Variants in USP30 observed in about 807,000 individuals in gnomAD.
USP30 encodes ubiquitin carboxyl-terminal hydrolase 30.
In USP30, 41 loss-of-function variants were observed where a neutral mutation model predicts 68.2. The observed-to-expected ratio is 0.60, with a 90% CI of 0.47 to 0.78. The LOEUF is 0.78. Among genes scored for constraint, USP30 ranks in the 30% least tolerant of loss-of-function variants. USP30 has a pLI of 0.00. For synonymous variants in USP30, 229 were observed against 253.7 expected, an observed-to-expected ratio of 0.90 and a Z score of 0.93; for missense variants, 522 against 649.4, an observed-to-expected ratio of 0.80 and a Z score of 2.13.
At chr12:109,039,125 C>T (rs1426120952) in intron 3 of USP30, among the ~76,000 whole-genome samples, 1 of 151,912 alleles carries the variant, frequency 6.6e-6, no homozygotes. Flanking sequence ...TCAGTTTTTT[C>T]TTTTCTAGTT....
At chr12:109,025,603 A>T (rs1294935251) in intron 2 of USP30, among the ~76,000 whole-genome samples, 18 of 152,194 alleles carry the variant, frequency 1.2e-4, no homozygotes, top group Admixed American at 1.2e-3. Context: ...CCATATGAGT[A>T]TCTCATATAG....
At chr12:109,059,809 C>T (rs1378859409) in intron 3 of USP30, among the ~76,000 whole-genome samples, 1 of 152,220 alleles carries the variant, frequency 6.6e-6, no homozygotes, top group Non-Finnish European at 1.5e-5. Context: ...TGCACCTAGC[C>T]CAACTTCATT....
At chr12:109,056,483 G>T (rs374617622) in intron 1 of USP30, among the ~76,000 whole-genome samples, 199 bp from the exon 2 acceptor site, 1 of 152,156 alleles carries the variant, frequency 6.6e-6, no homozygotes. Flanking sequence ...ATGAGCCACC[G>T]TGCCCAGCTG....
intron 3 of USP30, among the ~76,000 whole-genome samples, chr12:109,043,004 A>G (rs2040575308): frequency 6.6e-6 from 1 of 152,236 alleles, no homozygotes. Flanking sequence ...TTTCATTTAC[A>G]ATAGCACCAA....
At chr12:109,037,006 A>AT (rs1396025940) in intron 3 of USP30, among the ~76,000 whole-genome samples, 1 of 151,636 alleles carries the variant, frequency 6.6e-6, no homozygotes, top group African/African-American at 2.4e-5. Flanking sequence ...TTCTTCAGGT[A>AT]TTTTTTCTTC....
intron 3 of USP30, among the ~76,000 whole-genome samples, chr12:109,042,049 A>C (rs145374160): frequency 1.3e-5 from 2 of 152,026 alleles, no homozygotes; most frequent in East Asian, 3.9e-4. Flanking sequence ...TACCACAGAG[A>C]GATAACCCAG....
chr12:109,040,891 A>G (rs1179735106), intron 3 of USP30, among the ~76,000 whole-genome samples: 2 of 152,226 alleles, frequency 1.3e-5, no homozygotes, highest in African/African-American at 4.8e-5. Context: ...GTGAATTCAG[A>G]ACATGGGGGA....
At chr12:109,075,850 T>C (rs2135793963) in intron 7 of USP30, among the ~76,000 whole-genome samples, 1 of 151,702 alleles carries the variant, frequency 6.6e-6, no homozygotes, top group South Asian at 2.1e-4. Context: ...TCTTTTTTTT[T>C]TTTTTTTTGC....
intron 3 of USP30, among the ~76,000 whole-genome samples, chr12:109,062,989 C>A (rs369816709): frequency 4.6e-5 from 7 of 152,146 alleles, no homozygotes; most frequent in East Asian, 3.8e-4. Context: ...TAAGCGGACT[C>A]ATATAATATT....
At chr12:109,039,030 T>C (rs1331425492) in intron 3 of USP30, among the ~76,000 whole-genome samples, 4 of 152,228 alleles carry the variant, frequency 2.6e-5, no homozygotes, top group East Asian at 1.9e-4. Context: ...ATATGTATTA[T>C]AAACATTTTG....
At chr12:109,024,640 G>C (rs924444996) in intron 1 of USP30, among the ~76,000 whole-genome samples, 3 of 151,026 alleles carry the variant, frequency 2.0e-5, no homozygotes, top group Admixed American at 2.0e-4. Context: ...TTTTTCCCGA[G>C]ACCGAGTCTC....
chr12:109,052,518 A>C, upstream of USP30: 1 of 547,640 alleles, frequency 1.8e-6, no homozygotes, highest in Non-Finnish European at 2.9e-6. Context: ...GGGGGCAGCT[A>C]CTTCCGGTCC....
chr12:109,077,457 C>T lies in USP30; in HGVS notation c.721-3877C>T, dbSNP rs142311198. ...GTCCCTCTTCATCTCTGCTAAGACT[C>T]CTTGACTTGAAGTCTATTTGAATGA... On this transcript the variant is annotated intron_variant, in intron 7 of 12. Coordinates refer to ENST00000257548, the MANE Select transcript of USP30 (RefSeq NM_032663.5). Among the ~76,000 whole-genome samples the T allele has an allele frequency of 4.0e-3, 606 of 152,316 alleles. 6 individuals carry two copies. The highest frequency in any genetic ancestry group is 0.014 in the African/African-American group (566 of 41,554).
upstream of USP30, among the ~76,000 whole-genome samples, chr12:109,049,836 A>C (rs1481401736): frequency 1.3e-5 from 2 of 152,216 alleles, no homozygotes; most frequent in African/African-American, 4.8e-5. Context: ...AGAAAAAAAA[A>C]AGTTTGAAAT....
chr12:109,067,644 A>T lies in USP30; in HGVS notation c.480+17A>T, dbSNP rs2041302033. ...GAAGAACAGGTGAGTACAACATTTG[A>T]ACAGGTTTAGCTTGGAGAATCCTTT... On this transcript the variant is annotated intron_variant, in intron 4 of 12. Transcript: ENST00000257548. 1 of 1,610,436 alleles carries T rather than the reference A, an allele frequency of 6.2e-7. No individual in the cohort carries two copies. Among genetic ancestry groups the T allele is most frequent in the South Asian group, 1.1e-5 (1 of 90,984 alleles).
chr12:109,059,490 CT>C (rs966877341), intron 3 of USP30, among the ~76,000 whole-genome samples: 2 of 152,078 alleles, frequency 1.3e-5, no homozygotes, highest in African/African-American at 4.8e-5. Context: ...GCCACTACGC[CT>C]GGCCCCAACT....
In USP30 at chr12:109,056,715, T is replaced by C; in HGVS notation, c.117T>C (p.Gly39=). The change falls in exon 2 of 13, where the codon GGT becomes GGC. Residue 39 remains glycine, a synonymous_variant. Transcript: ENST00000257548. ...YKVMKNWGVI[G]GIAAALAAGI... is the part of the protein sequence containing the mutation. ...TCATGAAGAACTGGGGAGTTATAGG[T>C]GGAATTGCTGCTGCTCTTGCAGCAG... The C allele has an allele frequency of 1.2e-6, 2 of 1,612,410 alleles. No homozygotes were observed. The highest frequency in any genetic ancestry group is 1.1e-5 in the South Asian group (1 of 90,536).
intron 6 of USP30, among the ~76,000 whole-genome samples, chr12:109,073,159 T>C (rs2041496837): frequency 6.6e-6 from 1 of 152,238 alleles, no homozygotes; most frequent in Admixed American, 6.5e-5. Context: ...TTTAAGCATA[T>C]GTTTGTAAAA....
chr12:109,077,946 C>T (rs1378195119), intron 7 of USP30, among the ~76,000 whole-genome samples: 2 of 152,016 alleles, frequency 1.3e-5, no homozygotes, highest in East Asian at 3.8e-4. Context: ...AGTTCTGTTA[C>T]CCCAGCCTTT....
Sources: gnomAD v4.1 joint callset for allele counts (sites outside exome capture counted in the v4.1 genomes callset) on GRCh38, gnomAD v4.1.1 for gene constraint, MANE v1.5 for transcripts, NCBI Gene and HGNC (gene_info 2026-07-23, HGNC 2026-07-21) for gene names.